Variants in ZNF608 observed in about 807,000 individuals in gnomAD.
ZNF608 encodes the protein zinc finger protein 608.
In ZNF608, 12 loss-of-function variants were observed where a neutral mutation model predicts 109.0. The observed-to-expected ratio is 0.11, with a 90% CI of 0.07 to 0.18. The LOEUF is 0.18. Ranked by LOEUF, ZNF608 falls within the 10% of genes least tolerant of loss-of-function variation. The probability of loss-of-function intolerance (pLI) is 1.00; values close to 1 mark genes in which losing one functional copy is unlikely to be tolerated. For synonymous variants in ZNF608, 732 were observed against 717.4 expected (o/e 1.02, Z -0.33); for missense variants, 1,707 against 1,879.3 (o/e 0.91, Z 1.70).
chr5:124,648,300 G>C lies in ZNF608; in HGVS notation c.2084C>G (p.Ala695Gly). The change falls in exon 5 of 10, where the codon GCT becomes GGT. Residue 695 changes from alanine to glycine, a missense_variant. Ala to Gly is a moderately conservative substitution (Grantham distance 60, BLOSUM62 0). Transcript: ENST00000513986. Reference sequence around the variant, plus strand: ...TTCTGCTTCCAGTTTAGGCATCTCAGCAGCCAAACTGCCGTCTGCTGCCGA... The same window carrying C: ...TTCTGCTTCCAGTTTAGGCATCTCACCAGCCAAACTGCCGTCTGCTGCCGA... Reference protein sequence around the residue: ...SCSAADGSLAAEMPKLEAEGL... With the variant: ...SCSAADGSLAGEMPKLEAEGL... 1 of 1,614,174 alleles carries C rather than the reference G, an allele frequency of 6.2e-7. No homozygotes were observed.
chr5:124,678,157 T>G (rs1752036560), intron 3 of ZNF608, among the ~76,000 whole-genome samples: 1 of 152,166 alleles, frequency 6.6e-6, no homozygotes, highest in Admixed American at 6.5e-5. Flanking sequence ...CTTAGCTTAT[T>G]GTGTGCCTTA....
intron 2 of ZNF608, among the ~76,000 whole-genome samples, chr5:124,704,971 T>C (rs1753200716): frequency 1.3e-5 from 2 of 152,026 alleles, no homozygotes; most frequent in Admixed American, 1.3e-4. Flanking sequence ...GGAAGGGAAG[T>C]AATTCAAAGA....
intron 2 of ZNF608, chr5:124,735,235 T>C (rs1749089238): frequency 6.6e-6 from 1 of 152,280 alleles, no homozygotes; most frequent in South Asian, 2.1e-4. Context: ...ATTAGAATTC[T>C]GCCTCAGGGG....
At chr5:124,639,061 C>A (rs1750113953) in intron 9 of ZNF608, 72 bp downstream of exon 9, 1 of 1,460,472 alleles carries the variant, frequency 6.8e-7, no homozygotes, top group Non-Finnish European at 9.5e-7. Flanking sequence ...GTCTAAAAAT[C>A]CTGTACTTGC....
At chr5:124,731,040 T>A (rs1748869760) in intron 2 of ZNF608, among the ~76,000 whole-genome samples, 1 of 152,224 alleles carries the variant, frequency 6.6e-6, no homozygotes, top group Admixed American at 6.5e-5. Flanking sequence ...TCTTTGCACT[T>A]TTGTTTTGGT....
intron 5 of ZNF608, among the ~76,000 whole-genome samples, chr5:124,646,225 G>A (rs1750493434): frequency 6.6e-6 from 1 of 152,140 alleles, no homozygotes; most frequent in African/African-American, 2.4e-5. Flanking sequence ...GCCGGGCATG[G>A]TGGCACGTGC....
chr5:124,667,557 A>T (rs1751529892), intron 3 of ZNF608, among the ~76,000 whole-genome samples: 1 of 152,176 alleles, frequency 6.6e-6, no homozygotes, highest in Non-Finnish European at 1.5e-5. Flanking sequence ...TGAAATTCCA[A>T]ATTATAGACA....
intron 3 of ZNF608, among the ~76,000 whole-genome samples, chr5:124,671,732 C>G (rs1205224448): frequency 6.6e-6 from 1 of 150,510 alleles, no homozygotes. Context: ...ACCTCCTGGG[C>G]TCAAGCCATC....
rs1182883996 is a variant in ZNF608, at chr5:124,727,678, C to T, written c.906+16406G>A. 3.1e-5 allele frequency among the ~76,000 whole-genome samples: 4 copies of T among 130,036 alleles called. No individual in the cohort carries two copies. In the East Asian group the frequency reaches 8.8e-4, roughly 29 times the overall value. The allele number at this position is 130,036 out of a possible 152,430, so 85.3% of individuals were successfully genotyped here. A position where few individuals can be genotyped will look rare whatever the true frequency, so the allele number is the denominator to read the frequency against. ...AAAAAAAAAAAAAAAAAACCACACA[C>T]ATCAGATACAGCTTCAGCCTCATCA... On this transcript the variant is annotated intron_variant, in intron 2 of 9. Coordinates refer to ENST00000513986, the MANE Select transcript of ZNF608 (RefSeq NM_020747.3).
intron 2 of ZNF608, among the ~76,000 whole-genome samples, chr5:124,713,342 T>C (rs1179586292): frequency 1.3e-5 from 2 of 152,204 alleles, no homozygotes; most frequent in African/African-American, 4.8e-5. Context: ...GGTCACCAAA[T>C]GATGGCCCAC....
In ZNF608 at chr5:124,649,695, C is replaced by A; in HGVS notation, c.1165G>T (p.Val389Phe). The A allele has an allele frequency of 6.3e-7, 1 of 1,587,116 alleles. No individual in the cohort carries two copies. Among genetic ancestry groups the A allele is most frequent in the Non-Finnish European group, 8.6e-7 (1 of 1,162,204 alleles). ...CTCCACGTGACATTGACCACTAGGA[C>A]ACCTGCAGGAGGCAGGGGATGAAAA... ...GIVWHETEEG[V>F]LVVNVTWRNK... The change falls in exon 4 of 10, where the codon GTC becomes TTC. Residue 389 changes from valine to phenylalanine, a missense_variant and splice_region_variant. Around this residue, in one of 7 missense-constraint regions of ZNF608, gnomAD observed 16 missense variants for 37.0 expected, o/e 0.43. Transcript: ENST00000513986.
At chr5:124,709,267 G>T (rs1039087941) in intron 2 of ZNF608, among the ~76,000 whole-genome samples, 5 of 150,910 alleles carry the variant, frequency 3.3e-5, no homozygotes, top group Non-Finnish European at 5.9e-5. Flanking sequence ...GTGTCTGACT[G>T]CCAGAAGGAT....
At chr5:124,703,316 T>C (rs1341002746) in intron 2 of ZNF608, among the ~76,000 whole-genome samples, 1 of 152,182 alleles carries the variant, frequency 6.6e-6, no homozygotes, top group East Asian at 1.9e-4. Context: ...TTATAGCGTA[T>C]CAGTTCTCTG....
chr5:124,738,859 G>T (rs1483932981), intron 2 of ZNF608, among the ~76,000 whole-genome samples: 1 of 152,100 alleles, frequency 6.6e-6, no homozygotes, highest in Non-Finnish European at 1.5e-5. Context: ...TCTCCCACAC[G>T]TCATTACCCA....
chr5:124,671,009 C>G (rs1177234909), intron 3 of ZNF608, among the ~76,000 whole-genome samples: 5 of 152,178 alleles, frequency 3.3e-5, no homozygotes, highest in Non-Finnish European at 7.3e-5. Context: ...TGCTATTAAG[C>G]TGCTGATAGC....
In ZNF608 at chr5:124,683,093, A is replaced by G. The variant is rs113384902; in HGVS notation, c.1162+17921T>C. ...AAGCTGCCATGTTGTGAGCAGTCCT[A>G]TGGAGAGGCCCACATGGCATAGCAA... On this transcript the variant is annotated intron_variant, in intron 3 of 9. Coordinates refer to ENST00000513986, the MANE Select transcript of ZNF608 (RefSeq NM_020747.3). Among the ~76,000 whole-genome samples, 470 of 152,064 alleles carry G rather than the reference A, an allele frequency of 3.1e-3. 1 individual carries two copies. The highest frequency in any genetic ancestry group is 0.011 in the African/African-American group (459 of 41,452).
At chr5:124,703,661 G>C (rs963710990) in intron 2 of ZNF608, among the ~76,000 whole-genome samples, 1 of 152,092 alleles carries the variant, frequency 6.6e-6, no homozygotes, top group East Asian at 1.9e-4. Flanking sequence ...CCAGATACTC[G>C]AGAGGCTGAG....
At chr5:124,638,456 C>T (rs953985089) in intron 9 of ZNF608, among the ~76,000 whole-genome samples, 6 of 152,126 alleles carry the variant, frequency 3.9e-5, no homozygotes, top group African/African-American at 1.4e-4. Flanking sequence ...GGGGTTTCAC[C>T]ATGTTGGCCA....
At chr5:124,649,791 C>G in intron 3 of ZNF608, 94 bp from the exon 4 acceptor site, 1 of 763,322 alleles carries the variant, frequency 1.3e-6, no homozygotes. Context: ...TTTTTGCCAG[C>G]AAGTTCTATT....
Sources: allele counts gnomAD v4.1 joint callset (sites outside exome capture counted in the v4.1 genomes callset), GRCh38; gene constraint gnomAD v4.1.1; regional missense constraint gnomAD v4.1.1; transcripts MANE v1.5; gene names NCBI Gene and HGNC (gene_info 2026-07-23, HGNC 2026-07-21).